LRRCC1: variants seen among roughly 807,000 people sequenced by gnomAD.
The protein encoded by LRRCC1 is leucine rich repeat and coiled-coil centrosomal protein 1.
A neutral mutation model predicts 126.0 loss-of-function variants in LRRCC1; 115 were observed. The ratio of observed to expected loss-of-function variants is 0.91; its 90% CI spans 0.78 to 1.07. The LOEUF (loss-of-function observed/expected upper bound fraction) is 1.07, where lower values mean the gene tolerates loss of function less well. Among genes scored for constraint, LRRCC1 ranks in the 50% least tolerant of loss-of-function variants. The pLI is 0.00. For missense variants in LRRCC1, 1,172 were observed against 1,175.7 expected (o/e 1.00, Z 0.05); for synonymous variants, 400 against 393.4 (o/e 1.02, Z -0.20).
chr8:85,110,148 A>G lies in LRRCC1; in HGVS notation c.344A>G (p.Asn115Ser). Reference protein sequence around the residue: ...LEELINLTRLNVSYNHIDDLS... With the variant: ...LEELINLTRLSVSYNHIDDLS... The stretch of plus-strand genomic sequence containing the variant: ...GAACTAATTAATCTGACTAGACTAA[A>G]TGTATCTTATAACCACATAGATGAT... The change falls in exon 3 of 19, where the codon AAT (asparagine) becomes AGT (serine). Residue 115 changes from asparagine (N) to serine (S), a missense_variant. Asn to Ser is a conservative substitution (Grantham distance 46). Transcript: ENST00000360375. 1 of 1,342,430 alleles carries G rather than the reference A, an allele frequency of 7.4e-7. No homozygotes were observed. The highest frequency in any genetic ancestry group is 1.4e-5 in the South Asian group (1 of 70,110). The allele number at this position is 1,342,430 out of a possible 1,614,324, so 83.2% of individuals were successfully genotyped here.
Position 85,141,459 on chromosome 8 carries a change from C to A in LRRCC1, c.2918C>A (p.Ala973Asp). 1 of 1,613,200 alleles carries A rather than the reference C, an allele frequency of 6.2e-7. No individual in the cohort carries two copies. Among genetic ancestry groups the A allele is most frequent in the Non-Finnish European group, 8.5e-7 (1 of 1,179,480 alleles). Reference sequence around the variant, plus strand: ...GATGCAATTGTTGAAGCTCATCAAGCTGAAATAGCACAGCTGGCCAATGAA... The same window carrying A: ...GATGCAATTGTTGAAGCTCATCAAGATGAAATAGCACAGCTGGCCAATGAA... ...QVDAIVEAHQAEIAQLANEKQ... is the reference protein window; with the variant it reads ...QVDAIVEAHQDEIAQLANEKQ... The change falls in exon 18 of 19, where the codon GCT becomes GAT. Residue 973 changes from alanine (A) to aspartate (D), a missense_variant. Coordinates refer to ENST00000360375, the MANE Select transcript of LRRCC1 (RefSeq NM_033402.5).
At chr8:85,133,430 C>T (rs1162783231) in intron 12 of LRRCC1, among the ~76,000 whole-genome samples, 3 of 152,168 alleles carry the variant, frequency 2.0e-5, no homozygotes, top group African/African-American at 7.2e-5. Flanking sequence ...CACTCATTCT[C>T]TTGGTAAACT....
In LRRCC1 at chr8:85,141,397, A is replaced by T. The variant is rs1341409968; in HGVS notation, c.2856A>T (p.Lys952Asn). ...TTTTTTTAAGGAATGCAATGGAAAA[A>T]CTTCATAGTATGGATGATGCCTTTA... Reference protein sequence around the residue: ...SIELQKNAMEKLHSMDDAFKR... With the variant: ...SIELQKNAMENLHSMDDAFKR... The change falls in exon 18 of 19, where the codon AAA (lysine) becomes AAT (asparagine). Residue 952 changes from lysine to asparagine, a missense_variant. By Grantham distance (94) the Lys-to-Asn change is moderately conservative. Coordinates refer to ENST00000360375, the MANE Select transcript of LRRCC1 (RefSeq NM_033402.5). The T allele has an allele frequency of 1.9e-6, 3 of 1,612,120 alleles. No individual in the cohort carries two copies. The East Asian group carries it at 6.7e-5, about 36-fold the overall frequency.
chr8:85,134,440 C>G (rs1391871320), intron 12 of LRRCC1, among the ~76,000 whole-genome samples: 13 of 152,128 alleles, frequency 8.5e-5, no homozygotes, highest in African/African-American at 3.1e-4. Flanking sequence ...GCCTCAGCCT[C>G]CCAAGTAGCT....
At position 85,113,047 on chromosome 8, in the gene LRRCC1, C is replaced by T; in HGVS notation, c.492C>T (p.Thr164=). The T allele has an allele frequency of 6.2e-7, 1 of 1,612,352 alleles. No homozygotes were observed. The highest frequency in any genetic ancestry group is 8.5e-7 in the Non-Finnish European group (1 of 1,178,906). ...LQCMVGLHFL[T]NLILEKDGDD... ...GTATGGTAGGATTGCACTTCCTGACCAATCTTATTTTGGAGAAAGATGGAG... is the reference window on the plus strand; with the variant it reads ...GTATGGTAGGATTGCACTTCCTGACTAATCTTATTTTGGAGAAAGATGGAG... The change falls in exon 4 of 19, where the codon ACC becomes ACT. Residue 164 remains threonine (T), a synonymous_variant. Transcript: ENST00000360375.
At chr8:85,108,706 T>G (rs1808459492) in intron 1 of LRRCC1, 1 of 151,420 alleles carries the variant, frequency 6.6e-6, no homozygotes, top group Admixed American at 6.6e-5. Flanking sequence ...AATTTGCAAA[T>G]GCTTCCCTGC....
intron 6 of LRRCC1, among the ~76,000 whole-genome samples, chr8:85,116,072 T>A (rs1222101675): frequency 1.3e-5 from 2 of 152,226 alleles, no homozygotes; most frequent in African/African-American, 4.8e-5. Context: ...TATACTTTCC[T>A]GAGCTGTTAA....
At position 85,142,218 on chromosome 8, in the gene LRRCC1, C is replaced by T. The variant is rs562255196; in HGVS notation, c.2976+701C>T. ...CTGAGGTAGGAGAATGGCTTGAACC[C>T]GGAGGTGGAGGTTGCAGTGAGCCGA... On this transcript the variant is annotated intron_variant, in intron 18 of 18. Transcript: ENST00000360375. Among the ~76,000 whole-genome samples the T allele has an allele frequency of 3.3e-5, 5 of 151,970 alleles. No individual in the cohort carries two copies. In the South Asian group the frequency reaches 8.3e-4, roughly 25 times the overall value.
rs772826030 is a variant in LRRCC1, at chr8:85,123,867, T to C, written c.1124+261T>C. Among the ~76,000 whole-genome samples the C allele has an allele frequency of 5.3e-5, 8 of 152,146 alleles. No homozygotes were observed. In the South Asian group the frequency reaches 6.2e-4, roughly 12 times the overall value. ...CTATAAAGAATACTGACTTTAGAAC[T>C]GGAATACCTTAGTTTAATCTAGGTT... On this transcript the variant is annotated intron_variant, in intron 7 of 18. Transcript: ENST00000360375.
At chr8:85,144,458 ATATATATATATATATATT>A (rs1811502242) in intron 18 of LRRCC1, among the ~76,000 whole-genome samples, 1 of 46,162 alleles carries the variant, frequency 2.2e-5, no homozygotes, top group African/African-American at 8.8e-5. Flanking sequence ...ATATATATAT[ATATATATATATATATATT>A]TTTTTTTTTT....
intron 18 of LRRCC1, among the ~76,000 whole-genome samples, chr8:85,142,452 T>A (rs1440406558): frequency 6.6e-6 from 1 of 152,130 alleles, no homozygotes; most frequent in African/African-American, 2.4e-5. Context: ...GAAGTGGTAA[T>A]AAGAAACTAA....
At chr8:85,119,931 T>C (rs899063044) in intron 6 of LRRCC1, among the ~76,000 whole-genome samples, 4 of 152,230 alleles carry the variant, frequency 2.6e-5, no homozygotes, top group Non-Finnish European at 5.9e-5. Flanking sequence ...TTGCTTTTGC[T>C]ATTGTACAGT....
At chr8:85,139,356 C>A (rs2135999535) in intron 17 of LRRCC1, among the ~76,000 whole-genome samples, 1 of 152,200 alleles carries the variant, frequency 6.6e-6, no homozygotes, top group East Asian at 2.0e-4. Flanking sequence ...CTTCCACCTC[C>A]TGGGTTCAAG....
intron 5 of LRRCC1, 35 bp downstream of exon 5, chr8:85,115,310 A>T: frequency 6.4e-7 from 1 of 1,567,280 alleles, no homozygotes; most frequent in Non-Finnish European, 8.7e-7. Flanking sequence ...TAATATAAAA[A>T]ATACCTTCAA....
chr8:85,139,568 G>A lies in LRRCC1; in HGVS notation c.2840+1093G>A, dbSNP rs1811123833. ...GGGGTGAGCCACCACGCCCGGCCGA[G>A]AGCCGATTTTAAAGAGAGGAAATAA... On this transcript the variant is annotated intron_variant, in intron 17 of 18. Coordinates refer to ENST00000360375, the MANE Select transcript of LRRCC1 (RefSeq NM_033402.5). 2.0e-5 allele frequency among the ~76,000 whole-genome samples: 3 copies of A among 152,062 alleles called. No homozygotes were observed. In the South Asian group the frequency reaches 6.2e-4, roughly 31 times the overall value.
At chr8:85,113,550 A>T (rs1284804852) in intron 4 of LRRCC1, among the ~76,000 whole-genome samples, 2 of 152,084 alleles carry the variant, frequency 1.3e-5, no homozygotes, top group Non-Finnish European at 2.9e-5. Flanking sequence ...GTACATACAT[A>T]TATATGTATG....
intron 2 of LRRCC1, 57 bp downstream of exon 2, chr8:85,109,857 T>C: frequency 2.3e-6 from 2 of 888,026 alleles, no homozygotes; most frequent in Non-Finnish European, 3.4e-6. Flanking sequence ...TAGGTCCATT[T>C]TTTTCCCCAA....
Position 85,138,151 on chromosome 8 carries a change from G to C in LRRCC1, c.2610G>C (p.Glu870Asp). The change falls in exon 16 of 19, where the codon GAG becomes GAC. Residue 870 changes from glutamate to aspartate, a missense_variant. Glu to Asp is a conservative substitution (Grantham distance 45). Transcript: ENST00000360375. ...CTTCACAACTGGATGAGGTACTTGA[G>C]AAGTTGGAAAGGCACAATGAAAGAA... is the stretch of plus-strand genomic sequence containing the variant. ...EKSSQLDEVL[E>D]KLERHNERKE... The C allele has an allele frequency of 6.2e-7, 1 of 1,611,642 alleles. No homozygotes were observed. Among genetic ancestry groups the C allele is most frequent in the Non-Finnish European group, 8.5e-7 (1 of 1,178,756 alleles).
At chr8:85,130,433 C>T (rs983918168) in intron 11 of LRRCC1, among the ~76,000 whole-genome samples, 5 of 151,918 alleles carry the variant, frequency 3.3e-5, no homozygotes, top group African/African-American at 9.7e-5. Context: ...TGAGCCACCG[C>T]GCCTGGCCCC....
Sources: gnomAD v4.1 joint callset for allele counts (sites outside exome capture counted in the v4.1 genomes callset) on GRCh38, gnomAD v4.1.1 for gene constraint, MANE v1.5 for transcripts, NCBI Gene and HGNC (gene_info 2026-07-23, HGNC 2026-07-21) for gene names.